FAF1: variants seen among roughly 807,000 people sequenced by gnomAD.
FAF1 encodes Fas associated factor 1.
FAF1 carries 25 observed loss-of-function variants against 92.5 expected under a neutral mutation model. The observed-to-expected ratio is 0.27, with a 90% CI of 0.20 to 0.38. The LOEUF (loss-of-function observed/expected upper bound fraction) is 0.38. Among genes scored for constraint, FAF1 ranks in the 10% least tolerant of loss-of-function variants. The pLI, the probability that FAF1 is intolerant of heterozygous loss-of-function variation, is 1.00. For synonymous variants in FAF1, 234 were observed against 273.2 expected (o/e 0.86, Z 1.42); for missense variants, 636 against 793.3 (o/e 0.80, Z 2.38).
intron 6 of FAF1, among the ~76,000 whole-genome samples, chr1:50,709,983 G>A (rs1010297536): frequency 2.0e-5 from 3 of 152,148 alleles, no homozygotes; most frequent in Non-Finnish European, 4.4e-5. Context: ...ATTAAGAAAC[G>A]TGTTAGAAAG....
At chr1:50,477,918 G>C (rs1274159659) in intron 17 of FAF1, among the ~76,000 whole-genome samples, 1 of 152,142 alleles carries the variant, frequency 6.6e-6, no homozygotes, top group Non-Finnish European at 1.5e-5. Context: ...GCACGTACTA[G>C]GTGTTCAATA....
intron 7 of FAF1, among the ~76,000 whole-genome samples, chr1:50,685,882 T>C (rs745963365): frequency 1.3e-5 from 2 of 152,230 alleles, no homozygotes; most frequent in East Asian, 3.8e-4. Flanking sequence ...CAAATTACTA[T>C]GAAGTAAAAA....
intron 1 of FAF1, among the ~76,000 whole-genome samples, chr1:50,906,441 T>C (rs1644839614): frequency 6.6e-6 from 1 of 152,234 alleles, no homozygotes; most frequent in Admixed American, 6.5e-5. Flanking sequence ...TTGATGGGGA[T>C]GGCATTGAAT....
At chr1:50,474,099 T>C (rs1646608114) in intron 18 of FAF1, among the ~76,000 whole-genome samples, 1 of 152,240 alleles carries the variant, frequency 6.6e-6, no homozygotes, top group Admixed American at 6.5e-5. Context: ...CGACACAAGA[T>C]ATTCCTTTCT....
intron 8 of FAF1, among the ~76,000 whole-genome samples, chr1:50,621,904 G>A (rs879759161): frequency 6.6e-6 from 1 of 152,060 alleles, no homozygotes; most frequent in Non-Finnish European, 1.5e-5. Flanking sequence ...AGTGGCTCAC[G>A]CCTGTAATCC....
Position 50,503,032 on chromosome 1 carries a change from T to C in FAF1, c.1495-11231A>G, listed in dbSNP as rs970927546. 3.3e-5 allele frequency among the ~76,000 whole-genome samples: 5 copies of C among 151,878 alleles called. No individual in the cohort carries two copies. In the East Asian group the frequency reaches 7.8e-4, roughly 24 times the overall value. On this transcript the variant is annotated intron_variant, in intron 15 of 18. Coordinates refer to ENST00000396153, the MANE Select transcript of FAF1 (RefSeq NM_007051.3). ...ATTAAAAATGTTTTTAGAGATGGGG[T>C]CTCGCTATGTTGTTCAGGCTGGTCT...
chr1:50,711,775 T>C (rs1348831801), intron 6 of FAF1, among the ~76,000 whole-genome samples: 1 of 152,178 alleles, frequency 6.6e-6, no homozygotes, highest in Non-Finnish European at 1.5e-5. Context: ...TGTTCTTTTT[T>C]ACAGAGGTCT....
intron 3 of FAF1, among the ~76,000 whole-genome samples, chr1:50,790,464 T>G (rs967737859): frequency 4.6e-5 from 7 of 152,156 alleles, no homozygotes; most frequent in African/African-American, 1.4e-4. Flanking sequence ...AATGGCTGTA[T>G]CCTCTGCCCT....
At chr1:50,699,622 C>G (rs1191612383) in intron 7 of FAF1, among the ~76,000 whole-genome samples, 2 of 151,974 alleles carry the variant, frequency 1.3e-5, no homozygotes, top group Non-Finnish European at 2.9e-5. Context: ...ATATTTTACT[C>G]AAAAAATACA....
chr1:50,901,493 T>G (rs1193531131), intron 1 of FAF1, among the ~76,000 whole-genome samples: 1 of 151,904 alleles, frequency 6.6e-6, no homozygotes, highest in Non-Finnish European at 1.5e-5. Flanking sequence ...CCCAGGAGTT[T>G]GAGATCAGCC....
At chr1:50,480,557 T>C (rs549685732) in intron 17 of FAF1, among the ~76,000 whole-genome samples, 7 of 152,192 alleles carry the variant, frequency 4.6e-5, no homozygotes, top group African/African-American at 1.4e-4. Flanking sequence ...GTGAACAAAA[T>C]AGATAAAAAA....
At chr1:50,887,875 C>T (rs1187323636) in intron 1 of FAF1, among the ~76,000 whole-genome samples, 3 of 151,994 alleles carry the variant, frequency 2.0e-5, no homozygotes, top group Non-Finnish European at 4.4e-5. Context: ...TTTTTTGGTT[C>T]CATATGAACT....
intron 2 of FAF1, among the ~76,000 whole-genome samples, chr1:50,856,386 T>C (rs550448771): frequency 4.0e-5 from 6 of 151,798 alleles, no homozygotes; most frequent in African/African-American, 1.4e-4. Flanking sequence ...ATTAAGCCAC[T>C]GCTCTTTCTC....
chr1:50,622,177 AT>A (rs1653246269), intron 8 of FAF1, among the ~76,000 whole-genome samples: 3 of 151,466 alleles, frequency 2.0e-5, no homozygotes, highest in South Asian at 2.1e-4. Flanking sequence ...AAAAAAAAAA[AT>A]AAAAAGAAAA....
rs17106335 is a variant in FAF1, at chr1:50,612,498, T to C, written c.745-16282A>G. On this transcript the variant is annotated intron_variant, in intron 8 of 18. Coordinates refer to ENST00000396153, the MANE Select transcript of FAF1 (RefSeq NM_007051.3). ...GGATACATCTCAAGCCTGCTTTGTA[T>C]GCATGAAGGGTACCAACGAGCCACT... The C allele has an allele frequency of 1.3e-3, 1,364 of 1,060,794 alleles. 22 individuals are homozygous for C. In the African/African-American group the frequency reaches 0.022, roughly 17 times the overall value. The allele number at this position is 1,060,794 out of a possible 1,614,324, so 65.7% of individuals were successfully genotyped here.
At chr1:50,925,290 C>A (rs561287711) in intron 1 of FAF1, among the ~76,000 whole-genome samples, 1 of 152,208 alleles carries the variant, frequency 6.6e-6, no homozygotes, top group South Asian at 2.1e-4. Context: ...AGGACAAAAA[C>A]ACAGACAACA....
chr1:50,520,282 T>C (rs193064010), intron 15 of FAF1, among the ~76,000 whole-genome samples: 2 of 152,304 alleles, frequency 1.3e-5, no homozygotes, highest in African/African-American at 4.8e-5. Context: ...AAATGCCAGA[T>C]AATTCTCAGT....
At chr1:50,713,571 G>A (rs1658041542) in intron 6 of FAF1, among the ~76,000 whole-genome samples, 1 of 151,868 alleles carries the variant, frequency 6.6e-6, no homozygotes, top group Non-Finnish European at 1.5e-5. Flanking sequence ...ATCGCGTCCG[G>A]CCAAAAAACT....
chr1:50,852,331 T>A (rs12076637), intron 2 of FAF1, among the ~76,000 whole-genome samples: 1 of 152,066 alleles, frequency 6.6e-6, no homozygotes, highest in East Asian at 1.9e-4. Context: ...ATCCAAACAA[T>A]AGAGAAAGAA....
Sources: gnomAD v4.1 joint callset for allele counts (sites outside exome capture counted in the v4.1 genomes callset) on GRCh38, gnomAD v4.1.1 for gene constraint, MANE v1.5 for transcripts, NCBI Gene and HGNC (gene_info 2026-07-23, HGNC 2026-07-21) for gene names.